Variants in PSEN1 observed in about 807,000 individuals in gnomAD.
The protein encoded by PSEN1 is presenilin 1.
A neutral mutation model predicts 53.5 loss-of-function variants in PSEN1; 15 were observed. The ratio of observed to expected loss-of-function variants is 0.28; its 90% CI spans 0.19 to 0.43. The LOEUF (loss-of-function observed/expected upper bound fraction) is 0.43, where lower values mean the gene tolerates loss of function less well. Among genes scored for constraint, PSEN1 ranks in the 20% least tolerant of loss-of-function variants. PSEN1 has a pLI of 1.00. For missense variants in PSEN1, 387 were observed against 571.2 expected, an observed-to-expected ratio of 0.68 and a Z score of 3.29; for synonymous variants, 208 against 209.8, an observed-to-expected ratio of 0.99 and a Z score of 0.08.
At chr14:73,203,512 A>G (rs868094225) in intron 8 of PSEN1, among the ~76,000 whole-genome samples, 4 of 152,226 alleles carry the variant, frequency 2.6e-5, no homozygotes, top group African/African-American at 4.8e-5. Flanking sequence ...GGATATAAGC[A>G]TGAATATAAA....
intron 5 of PSEN1, among the ~76,000 whole-genome samples, chr14:73,184,387 G>A (rs1193571962): frequency 1.1e-4 from 11 of 96,716 alleles, no homozygotes; most frequent in East Asian, 4.8e-4. Flanking sequence ...GGCCGGGCGG[G>A]GGGCTGACCC....
intron 1 of PSEN1, among the ~76,000 whole-genome samples, chr14:73,144,000 A>AG (rs1229610291): frequency 1.3e-5 from 2 of 148,986 alleles, no homozygotes; most frequent in Admixed American, 6.7e-5. Context: ...AAAAAAAAAA[A>AG]AAAAAAAAAA....
chr14:73,189,598 G>A (rs1898642467), intron 6 of PSEN1, among the ~76,000 whole-genome samples: 1 of 152,104 alleles, frequency 6.6e-6, no homozygotes, highest in South Asian at 2.1e-4. Flanking sequence ...GGCAACAAGA[G>A]TGAAACTCCA....
chr14:73,207,074 TA>T (rs1899483893), intron 9 of PSEN1, among the ~76,000 whole-genome samples: 1 of 152,092 alleles, frequency 6.6e-6, no homozygotes, highest in South Asian at 2.1e-4. Context: ...TAGTCCCAGC[TA>T]CATGGCCAAG....
intron 5 of PSEN1, among the ~76,000 whole-genome samples, chr14:73,180,210 T>G (rs1196028416): frequency 6.6e-6 from 1 of 152,108 alleles, no homozygotes; most frequent in African/African-American, 2.4e-5. Context: ...GTCTCGAACT[T>G]CTGACCTCAG....
At chr14:73,209,519 A>G (rs569886286) in intron 9 of PSEN1, among the ~76,000 whole-genome samples, 2 of 152,214 alleles carry the variant, frequency 1.3e-5, no homozygotes, top group African/African-American at 2.4e-5. Flanking sequence ...TTGACTGAGC[A>G]CCTGACTATG....
At chr14:73,167,661 G>A (rs575002423) in intron 3 of PSEN1, among the ~76,000 whole-genome samples, 1 of 151,556 alleles carries the variant, frequency 6.6e-6, no homozygotes, top group African/African-American at 2.4e-5. Context: ...TCCCCACTTT[G>A]TCTCTTCCTC....
intron 9 of PSEN1, among the ~76,000 whole-genome samples, chr14:73,210,001 T>G (rs1266491458): frequency 6.6e-6 from 1 of 152,238 alleles, no homozygotes; most frequent in African/African-American, 2.4e-5. Flanking sequence ...TCCTCCATCC[T>G]AGTTATTTCC....
intron 5 of PSEN1, among the ~76,000 whole-genome samples, chr14:73,179,511 G>C (rs939186039): frequency 6.6e-6 from 1 of 152,168 alleles, no homozygotes; most frequent in Non-Finnish European, 1.5e-5. Flanking sequence ...CAGTTACTCA[G>C]GAGGCTGAGG....
intron 5 of PSEN1, among the ~76,000 whole-genome samples, chr14:73,179,428 G>C (rs1473875523): frequency 6.6e-6 from 1 of 152,174 alleles, no homozygotes; most frequent in East Asian, 1.9e-4. Context: ...ACCAGCCTGG[G>C]CAACACAGTG....
In PSEN1 at chr14:73,140,377, AT is replaced by A. The variant is rs1418432081; in HGVS notation, c.-136+3799del. Among the ~76,000 whole-genome samples, 4 of 151,476 alleles carry A rather than the reference AT, an allele frequency of 2.6e-5. 1 individual carries two copies. Among genetic ancestry groups the A allele is most frequent in the Non-Finnish European group, 5.9e-5 (4 of 67,858 alleles). ...AGGCGTGTGCCACCACACTGGGCTA[AT>A]TTTTGTATTTTTAGTAGAGGTGGGG... On this transcript the variant is annotated intron_variant, in intron 1 of 11. Coordinates refer to ENST00000324501, the MANE Select transcript of PSEN1 (RefSeq NM_000021.4).
intron 3 of PSEN1, among the ~76,000 whole-genome samples, chr14:73,160,672 C>T (rs1456821168): frequency 6.6e-6 from 1 of 151,950 alleles, no homozygotes; most frequent in Admixed American, 6.6e-5. Flanking sequence ...CCATATTACA[C>T]AGATGTAGAG....
intron 10 of PSEN1, 137 bp downstream of exon 10, chr14:73,212,079 G>A: frequency 6.7e-6 from 1 of 149,640 alleles, no homozygotes; most frequent in Non-Finnish European, 1.3e-5. Flanking sequence ...GGATATATCA[G>A]TAATAGTGCT....
At chr14:73,216,486 T>C (rs177413) in intron 10 of PSEN1, among the ~76,000 whole-genome samples, 114,353 of 152,108 alleles carry the variant, frequency 0.75, 44,362 homozygotes, top group African/African-American at 0.93. Flanking sequence ...ATAGGCCATG[T>C]GTGGTGGCTC....
Position 73,219,134 on chromosome 14 carries a change from G to A in PSEN1, c.1249G>A (p.Gly417Ser). The change falls in exon 12 of 12, where the codon GGT (glycine) becomes AGT (serine). Residue 417 changes from glycine (G) to serine (S), a missense_variant and splice_region_variant. Around this residue, in one of 4 missense-constraint regions of PSEN1, gnomAD observed 44 missense variants for 106.3 expected, o/e 0.41. Coordinates refer to ENST00000324501, the MANE Select transcript of PSEN1 (RefSeq NM_000021.4). ...TIACFVAILI[G>S]LCLTLLLLAI... ...TGTGTCTTTCCCATCTTCTCCACAG[G>A]GTTTGTGCCTTACATTATTACTCCT... 6.2e-7 allele frequency: 1 copy of A among 1,613,830 alleles called. No individual in the cohort carries two copies. The highest frequency in any genetic ancestry group is 8.5e-7 in the Non-Finnish European group (1 of 1,179,808).
At chr14:73,207,346 G>A (rs914681660) in intron 9 of PSEN1, among the ~76,000 whole-genome samples, 16 of 151,728 alleles carry the variant, frequency 1.1e-4, no homozygotes, top group African/African-American at 2.4e-4. Flanking sequence ...AAGGGTTGAG[G>A]AATAACAGCA....
At chr14:73,197,860 C>T (rs1309612612) in intron 7 of PSEN1, 171 bp from the exon 8 acceptor site, 3 of 606,604 alleles carry the variant, frequency 4.9e-6, no homozygotes, top group Non-Finnish European at 8.8e-6. Flanking sequence ...GTTGTCTCCC[C>T]CACCCCCACC....
chr14:73,186,199 G>A (rs1383800040), intron 5 of PSEN1, among the ~76,000 whole-genome samples: 1 of 152,136 alleles, frequency 6.6e-6, no homozygotes, highest in East Asian at 1.9e-4. Flanking sequence ...GACCAACATG[G>A]AGAAACTGTG....
intron 1 of PSEN1, among the ~76,000 whole-genome samples, chr14:73,140,057 AATC>A (rs1478307946): frequency 6.6e-6 from 1 of 152,200 alleles, no homozygotes; most frequent in Non-Finnish European, 1.5e-5. Context: ...GATTTTGAAT[AATC>A]ATATCTCCCT....
Sources: allele counts gnomAD v4.1 joint callset (sites outside exome capture counted in the v4.1 genomes callset), GRCh38; gene constraint gnomAD v4.1.1; regional missense constraint gnomAD v4.1.1; transcripts MANE v1.5; gene names NCBI Gene and HGNC (gene_info 2026-07-23, HGNC 2026-07-21).